DAPK2: variants seen among roughly 807,000 people sequenced by gnomAD.
DAPK2 encodes the protein death associated protein kinase 2.
A neutral mutation model predicts 44.1 loss-of-function variants in DAPK2; 35 were observed. The observed-to-expected ratio is 0.79, with a 90% confidence interval of 0.61 to 1.05. The LOEUF (loss-of-function observed/expected upper bound fraction) is 1.05. Ranked by LOEUF, DAPK2 falls within the 50% of genes least tolerant of loss-of-function variation. The pLI is 0.00. For synonymous variants in DAPK2, 174 were observed against 182.6 expected (o/e 0.95, Z 0.38); for missense variants, 453 against 483.2 (o/e 0.94, Z 0.59).
intron 2 of DAPK2, among the ~76,000 whole-genome samples, chr15:63,975,377 C>T (rs1239702307): frequency 1.3e-5 from 2 of 152,166 alleles, no homozygotes. Flanking sequence ...TGAACACATA[C>T]TCTATGTTAC....
At chr15:63,985,835 T>C (rs980199437) in intron 1 of DAPK2, among the ~76,000 whole-genome samples, 4 of 152,190 alleles carry the variant, frequency 2.6e-5, no homozygotes, top group Admixed American at 2.0e-4. Context: ...TTTTTCTATA[T>C]CACATGCCTG....
intron 1 of DAPK2, among the ~76,000 whole-genome samples, chr15:64,031,656 C>T (rs947072837): frequency 1.3e-5 from 2 of 152,154 alleles, no homozygotes; most frequent in Non-Finnish European, 2.9e-5. Context: ...GAGGGCTTTG[C>T]CCAGAGGAAG....
At chr15:64,014,707 G>A (rs1272495555) in intron 1 of DAPK2, among the ~76,000 whole-genome samples, 1 of 152,210 alleles carries the variant, frequency 6.6e-6, no homozygotes, top group Non-Finnish European at 1.5e-5. Context: ...ATCACCTGAG[G>A]TCAGGAGTTC....
At position 63,964,661 on chromosome 15, in the gene DAPK2, T is replaced by C. The variant is rs2078003364; in HGVS notation, c.453+6762A>G. Reference sequence around the variant, plus strand: ...TTTTTTTTCTTTTGTCTCCTCTGTGTATTTTCGAATAGTCTATCTTCAAGC... The same window carrying C: ...TTTTTTTTCTTTTGTCTCCTCTGTGCATTTTCGAATAGTCTATCTTCAAGC... On this transcript the variant is annotated intron_variant, in intron 3 of 10. Coordinates refer to ENST00000261891, the Ensembl canonical transcript of DAPK2. Among the ~76,000 whole-genome samples the C allele has an allele frequency of 2.0e-5, 3 of 152,072 alleles. No individual in the cohort carries two copies. In the South Asian group the frequency reaches 6.2e-4, roughly 31 times the overall value.
intron 1 of DAPK2, among the ~76,000 whole-genome samples, chr15:64,032,179 G>C (rs1431128136): frequency 6.6e-6 from 1 of 152,168 alleles, no homozygotes; most frequent in African/African-American, 2.4e-5. Flanking sequence ...GGACGACCGG[G>C]AAAACCCTAT....
intron 6 of DAPK2, among the ~76,000 whole-genome samples, chr15:63,927,175 T>C (rs956852572): frequency 7.9e-5 from 12 of 152,204 alleles, no homozygotes; most frequent in Non-Finnish European, 1.5e-5. Flanking sequence ...TGGCCCACAC[T>C]AAGGGCTCTG....
chr15:63,965,169 G>A (rs1268103300), intron 3 of DAPK2, among the ~76,000 whole-genome samples: 1 of 152,206 alleles, frequency 6.6e-6, no homozygotes, highest in Non-Finnish European at 1.5e-5. Context: ...CTGTATTAGA[G>A]GACACCCCAA....
In DAPK2 at chr15:64,038,026, C is replaced by T. The variant is rs1022774101; in HGVS notation, c.92+2144G>A. The stretch of plus-strand genomic sequence containing the variant: ...TGGAGGACCAGGAAACATGAGGTCT[C>T]TTCCGGGTCTAATAGCACATGTCCT... On this transcript the variant is annotated intron_variant, in intron 1 of 10. Coordinates refer to ENST00000261891, the Ensembl canonical transcript of DAPK2. Among the ~76,000 whole-genome samples, 34 of 152,184 alleles carry T rather than the reference C, an allele frequency of 2.2e-4. 1 individual carries two copies. The highest frequency in any genetic ancestry group is 1.5e-5 in the Non-Finnish European group (1 of 68,030).
At chr15:64,043,772 C>T (rs551488301), upstream of DAPK2, among the ~76,000 whole-genome samples, 28 of 152,292 alleles carry the variant, frequency 1.8e-4, no homozygotes, top group African/African-American at 5.8e-4. Context: ...ATGTTTTAAA[C>T]GGTCCATGGA....
At chr15:63,921,754 G>A (rs1207900621) in intron 8 of DAPK2, 1 of 152,200 alleles carries the variant, frequency 6.6e-6, no homozygotes, top group Admixed American at 6.5e-5. Flanking sequence ...CTTTATTCTC[G>A]ACACAGAGTT....
chr15:63,937,225 A>T (rs1462946871), intron 4 of DAPK2, among the ~76,000 whole-genome samples: 2 of 152,148 alleles, frequency 1.3e-5, no homozygotes, highest in East Asian at 3.8e-4. Context: ...GTAAAACAAA[A>T]CCAGTGCAAA....
intron 3 of DAPK2, among the ~76,000 whole-genome samples, chr15:63,954,974 A>G (rs2077684635): frequency 6.6e-6 from 1 of 152,202 alleles, no homozygotes; most frequent in Non-Finnish European, 1.5e-5. Context: ...GGCATATAGA[A>G]ATACTACTGA....
At chr15:63,961,905 G>T (rs1400314460) in intron 3 of DAPK2, among the ~76,000 whole-genome samples, 1 of 152,150 alleles carries the variant, frequency 6.6e-6, no homozygotes, top group Non-Finnish European at 1.5e-5. Flanking sequence ...ACTAGGTTGG[G>T]GAAGTTCTAC....
intron 3 of DAPK2, among the ~76,000 whole-genome samples, chr15:63,952,588 C>T (rs2034098): frequency 1 from 152,134 of 152,142 alleles, 76,063 homozygotes; most frequent in Non-Finnish European, 1. Flanking sequence ...GGTTCATTCA[C>T]CCTATGGCTA....
At chr15:63,926,885 C>A (rs986166576) in intron 6 of DAPK2, among the ~76,000 whole-genome samples, 4 of 152,234 alleles carry the variant, frequency 2.6e-5, no homozygotes, top group Non-Finnish European at 5.9e-5. Flanking sequence ...CTTGCCACAT[C>A]TGACTGGCCA....
rs2079662373 is a variant in DAPK2, at chr15:64,020,932, T to C, written c.92+19238A>G. ...TTGTGACCCAGAGACAGAAAGTGCCTTGCCCAGGTGCATTAACGTATTGGT... is the reference window on the plus strand; with the variant it reads ...TTGTGACCCAGAGACAGAAAGTGCCCTGCCCAGGTGCATTAACGTATTGGT... On this transcript the variant is annotated intron_variant, in intron 1 of 10. Coordinates refer to ENST00000261891, the Ensembl canonical transcript of DAPK2. This position sits in a 1 kb window ranked among gnomAD's most constrained non-coding sequence, Gnocchi z 4.5. Among the ~76,000 whole-genome samples, 1 of 152,222 alleles carries C rather than the reference T, an allele frequency of 6.6e-6. No homozygotes were observed. The highest frequency in any genetic ancestry group is 2.4e-5 in the African/African-American group (1 of 41,456).
intron 1 of DAPK2, among the ~76,000 whole-genome samples, chr15:64,001,807 G>T (rs1160697843): frequency 6.6e-6 from 1 of 152,178 alleles, no homozygotes; most frequent in Non-Finnish European, 1.5e-5. Context: ...ACACATTAAA[G>T]TTTGAGAAGT....
chr15:63,995,849 T>G (rs1324517569), intron 1 of DAPK2, among the ~76,000 whole-genome samples: 1 of 152,196 alleles, frequency 6.6e-6, no homozygotes, highest in Non-Finnish European at 1.5e-5. Context: ...CAAGACCCCT[T>G]TAGAGAGGCA....
intron 1 of DAPK2, among the ~76,000 whole-genome samples, chr15:64,006,561 G>A (rs538960124): frequency 2.6e-5 from 4 of 152,142 alleles, no homozygotes; most frequent in South Asian, 2.1e-4. Context: ...CAAGAAAGAC[G>A]TCAGAGATCC....
Sources: gnomAD v4.1 joint callset for allele counts (sites outside exome capture counted in the v4.1 genomes callset) on GRCh38, gnomAD v4.1.1 for gene constraint, Gnocchi (gnomAD v3.1) non-coding constraint, MANE v1.5 for transcripts, NCBI Gene and HGNC (gene_info 2026-07-23, HGNC 2026-07-21) for gene names.